Variants in RAD51B observed in about 807,000 individuals in gnomAD.
RAD51B encodes the protein RAD51 paralog B.
Under a neutral mutation model 42.2 loss-of-function variants are expected in RAD51B, and 38 were observed. The ratio of observed to expected loss-of-function variants is 0.90; its 90% confidence interval spans 0.70 to 1.18. RAD51B has a LOEUF of 1.18. RAD51B is among the 50% of genes most tolerant of loss of function. The pLI, the probability that RAD51B is intolerant of heterozygous loss-of-function variation, is 0.00. For missense variants in RAD51B, 373 were observed against 400.7 expected (o/e 0.93, Z 0.59); for synonymous variants, 154 against 145.2 (o/e 1.06, Z -0.43).
intron 7 of RAD51B, among the ~76,000 whole-genome samples, chr14:68,261,918 G>A (rs919735144): frequency 6.6e-6 from 1 of 152,084 alleles, no homozygotes; most frequent in African/African-American, 2.4e-5. Flanking sequence ...ACAGTAGGCC[G>A]GGGACGCTGG....
At chr14:67,897,524 C>T (rs2043461566) in intron 7 of RAD51B, among the ~76,000 whole-genome samples, 1 of 151,972 alleles carries the variant, frequency 6.6e-6, no homozygotes, top group Admixed American at 6.6e-5. Flanking sequence ...AGTTACTAAT[C>T]ATAAGGGAAA....
chr14:68,564,077 T>C (rs571546689), intron 10 of RAD51B: 3 of 401,586 alleles, frequency 7.5e-6, no homozygotes, highest in Non-Finnish European at 1.0e-5. Flanking sequence ...GGGTTATTAA[T>C]AGCATTTGCT....
At chr14:68,249,942 C>T (rs2080585775) in intron 7 of RAD51B, among the ~76,000 whole-genome samples, 1 of 152,202 alleles carries the variant, frequency 6.6e-6, no homozygotes, top group Admixed American at 6.5e-5. Flanking sequence ...GGCTTTGAAG[C>T]CAGGGGAAGG....
At chr14:68,417,000 A>G (rs750834583) in intron 9 of RAD51B, among the ~76,000 whole-genome samples, 1 of 152,182 alleles carries the variant, frequency 6.6e-6, no homozygotes, top group Admixed American at 6.5e-5. Flanking sequence ...TTTTTTTCCC[A>G]GATAAGCTAA....
intron 7 of RAD51B, among the ~76,000 whole-genome samples, chr14:67,925,575 T>A (rs73282421): frequency 0.01 from 1,563 of 152,264 alleles, 27 homozygotes; most frequent in African/African-American, 0.036. Context: ...TTGACCTGGA[T>A]CTACCATTCT....
chr14:68,358,355 C>A (rs184969629), intron 8 of RAD51B, among the ~76,000 whole-genome samples: 32 of 152,292 alleles, frequency 2.1e-4, no homozygotes, highest in African/African-American at 7.2e-4. Flanking sequence ...CAGCAACACA[C>A]AATAAAGCTA....
intron 7 of RAD51B, among the ~76,000 whole-genome samples, chr14:68,100,621 GT>G (rs1178311167): frequency 2.6e-5 from 4 of 151,978 alleles, no homozygotes; most frequent in Non-Finnish European, 5.9e-5. Context: ...TCCTTCCATT[GT>G]GCTTTACTCT....
chr14:68,659,327 G>A (rs1056888443), intron 11 of RAD51B, among the ~76,000 whole-genome samples: 5 of 152,238 alleles, frequency 3.3e-5, no homozygotes, highest in Non-Finnish European at 5.9e-5. Context: ...TGGGGAAGGC[G>A]AGGATGAGGC....
chr14:68,196,020 A>C (rs1247943601), intron 7 of RAD51B, among the ~76,000 whole-genome samples: 1 of 151,262 alleles, frequency 6.6e-6, no homozygotes, highest in Admixed American at 6.6e-5. Flanking sequence ...CCTGGCTGAC[A>C]AGGTGAAACA....
At chr14:68,101,303 C>G (rs2077285031) in intron 7 of RAD51B, among the ~76,000 whole-genome samples, 1 of 152,174 alleles carries the variant, frequency 6.6e-6, no homozygotes. Flanking sequence ...CATAATCATG[C>G]CATTCCAAAA....
chr14:67,915,749 T>C (rs1005012879), intron 7 of RAD51B, among the ~76,000 whole-genome samples: 3 of 152,216 alleles, frequency 2.0e-5, no homozygotes, highest in Non-Finnish European at 2.9e-5. Context: ...TGTTTGTTAG[T>C]ATTGTCTAAA....
chr14:68,046,217 G>A (rs1399297621), intron 7 of RAD51B, among the ~76,000 whole-genome samples: 2 of 152,020 alleles, frequency 1.3e-5, no homozygotes, highest in African/African-American at 4.8e-5. Flanking sequence ...TTGACCTTTC[G>A]GGCTCAAGCA....
intron 8 of RAD51B, among the ~76,000 whole-genome samples, chr14:68,411,051 T>TAA (rs1242724454): frequency 6.6e-6 from 1 of 152,210 alleles, no homozygotes; most frequent in East Asian, 1.9e-4. Context: ...AACAACTCTA[T>TAA]TAAACTAAGA....
At chr14:68,420,936 CTT>C (rs1355017894) in intron 9 of RAD51B, among the ~76,000 whole-genome samples, 1 of 152,216 alleles carries the variant, frequency 6.6e-6, no homozygotes, top group East Asian at 1.9e-4. Context: ...GAGGCCTTGA[CTT>C]GGTGATGATT....
chr14:68,648,756 G>A (rs1892638649), intron 10 of RAD51B, among the ~76,000 whole-genome samples: 1 of 151,292 alleles, frequency 6.6e-6, no homozygotes, highest in Non-Finnish European at 1.5e-5. Context: ...CTTGGGGTAA[G>A]TTATGTAGCC....
intron 8 of RAD51B, among the ~76,000 whole-genome samples, chr14:68,325,148 C>A (rs1316435747): frequency 6.6e-6 from 1 of 152,198 alleles, no homozygotes; most frequent in Admixed American, 6.5e-5. Flanking sequence ...GTCTGCTAAT[C>A]CTCCTTGTGT....
chr14:68,582,559 G>A (rs1397250944), intron 10 of RAD51B, among the ~76,000 whole-genome samples: 1 of 152,168 alleles, frequency 6.6e-6, no homozygotes, highest in East Asian at 1.9e-4. Context: ...GTTGATGGGA[G>A]TATAATTCGT....
chr14:68,485,205 A>C (rs948507976), intron 10 of RAD51B, among the ~76,000 whole-genome samples: 2 of 152,188 alleles, frequency 1.3e-5, no homozygotes, highest in Non-Finnish European at 2.9e-5. Context: ...AAGCATACTC[A>C]TTCCCTCTTG....
At chr14:68,364,314 C>A (rs1242310393) in intron 8 of RAD51B, among the ~76,000 whole-genome samples, 1 of 152,198 alleles carries the variant, frequency 6.6e-6, no homozygotes, top group Non-Finnish European at 1.5e-5. Flanking sequence ...AGTCAGCGGG[C>A]ACTTTGTGGG....
Sources: allele counts gnomAD v4.1 joint callset (sites outside exome capture counted in the v4.1 genomes callset), GRCh38; gene constraint gnomAD v4.1.1; transcripts MANE v1.5; gene names NCBI Gene and HGNC (gene_info 2026-07-23, HGNC 2026-07-21).